The following CHRM5 variants were observed in gnomAD, a reference collection of about 807,000 sequenced individuals.
The protein encoded by CHRM5 is muscarinic acetylcholine receptor M5.
In CHRM5, 18 loss-of-function variants were observed where a neutral mutation model predicts 39.0. That is an observed-to-expected ratio of 0.46 (90% CI 0.32 to 0.68). The LOEUF (loss-of-function observed/expected upper bound fraction) is 0.68. Ranked by LOEUF, CHRM5 falls within the 30% of genes least tolerant of loss-of-function variation. CHRM5 has a pLI of 0.04. For synonymous variants in CHRM5, 241 were observed against 246.3 expected (o/e 0.98, Z 0.20); for missense variants, 515 against 651.1 (o/e 0.79, Z 2.28).
At chr15:34,018,943 T>G (rs1315753736) in intron 1 of CHRM5, among the ~76,000 whole-genome samples, 2 of 152,064 alleles carry the variant, frequency 1.3e-5, no homozygotes, top group African/African-American at 4.8e-5. Context: ...TTTTTTACAA[T>G]CCTTCAGCTA....
rs1263489574 is a variant in CHRM5, at chr15:33,983,152, GTGTGTGTA to G, written c.-408+14010_-408+14017del. Among the ~76,000 whole-genome samples the G allele has an allele frequency of 5.4e-5, 6 of 110,810 alleles. No individual in the cohort carries two copies. The Admixed American group carries it at 5.5e-4, about 10-fold the overall frequency. 72.7% of individuals were successfully genotyped at this position (110,810 alleles called of 152,430 possible). On this transcript the variant is annotated intron_variant, in intron 1 of 2. Coordinates refer to ENST00000383263, the MANE Select transcript of CHRM5 (RefSeq NM_012125.4). ...TCTGTGTGTGTGTGTGTGTGTGTGT[GTGTGTGTA>G]TGTGTGTGTGTATATATACACACGT...
At chr15:34,006,058 T>C (rs1331957147) in intron 1 of CHRM5, among the ~76,000 whole-genome samples, 1 of 152,176 alleles carries the variant, frequency 6.6e-6, no homozygotes, top group Non-Finnish European at 1.5e-5. Flanking sequence ...ACACCTGTAA[T>C]CCCAACACTT....
Position 34,062,769 on chromosome 15 carries a change from A to T in CHRM5, c.52A>T (p.Asn18Tyr), listed in dbSNP as rs770980808. 3 of 1,614,076 alleles carry T rather than the reference A, an allele frequency of 1.9e-6. No individual in the cohort carries two copies. The highest frequency in any genetic ancestry group is 2.5e-6 in the Non-Finnish European group (3 of 1,179,952). The change falls in exon 3 of 3, where the codon AAT becomes TAT. Residue 18 changes from asparagine to tyrosine, a missense_variant. Physicochemically the swap from Asn to Tyr is moderately radical, Grantham distance 143. Coordinates refer to ENST00000383263, the MANE Select transcript of CHRM5 (RefSeq NM_012125.4). The stretch of plus-strand genomic sequence containing the variant: ...AACCACCGTCAATGGCACCCCAGTA[A>T]ATCACCAGCCTTTGGAACGCCACAG... ...NATTVNGTPV[N>Y]HQPLERHRLW...
At chr15:33,995,854 G>A (rs1369953327) in intron 1 of CHRM5, among the ~76,000 whole-genome samples, 1 of 152,230 alleles carries the variant, frequency 6.6e-6, no homozygotes, top group African/African-American at 2.4e-5. Flanking sequence ...AGGCCACGGA[G>A]GGCGAGCTGA....
intron 1 of CHRM5, among the ~76,000 whole-genome samples, chr15:33,974,112 C>CA (rs1277518801): frequency 6.6e-6 from 1 of 152,136 alleles, no homozygotes; most frequent in African/African-American, 2.4e-5. Flanking sequence ...CTCTATTTGA[C>CA]ATATGGAAAT....
At chr15:34,016,435 G>C (rs1897915755) in intron 1 of CHRM5, among the ~76,000 whole-genome samples, 1 of 152,140 alleles carries the variant, frequency 6.6e-6, no homozygotes, top group African/African-American at 2.4e-5. Flanking sequence ...TCAATTATCT[G>C]CTTCCTGGTA....
chr15:33,971,714 A>AT (rs1295990496), intron 1 of CHRM5, among the ~76,000 whole-genome samples: 5 of 152,026 alleles, frequency 3.3e-5, no homozygotes, highest in Admixed American at 3.3e-4. Context: ...TTCATAAGGA[A>AT]TTTTTTTCAT....
intron 1 of CHRM5, among the ~76,000 whole-genome samples, chr15:34,005,039 A>G (rs1001133124): frequency 6.6e-6 from 1 of 152,122 alleles, no homozygotes; most frequent in Non-Finnish European, 1.5e-5. Context: ...TAGGAGGAAA[A>G]GACAAGCAAA....
rs1899852803 is a variant in CHRM5 at position 34,049,536 on chromosome 15, G to A, written c.-76+2665G>A. On this transcript the variant is annotated intron_variant, in intron 2 of 2. Transcript: ENST00000383263. ...AGAATGAAAAGGATCATGGGATTAT[G>A]TAAAGCAAAACCCATGACTGATTGG... 2.6e-5 allele frequency among the ~76,000 whole-genome samples: 4 copies of A among 152,256 alleles called. No individual in the cohort carries two copies. In the South Asian group the frequency reaches 8.3e-4, roughly 32 times the overall value.
rs538332452 is a variant in CHRM5 at position 33,981,063 on chromosome 15, C to A, written c.-408+11913C>A. ...CACACTGAGTTTTTATATAAACATA[C>A]AATCACAACTTGATTCCAAGACTCC... On this transcript the variant is annotated intron_variant, in intron 1 of 2. Transcript: ENST00000383263. 3.9e-4 allele frequency among the ~76,000 whole-genome samples: 54 copies of A among 139,008 alleles called. No individual in the cohort carries two copies. In the South Asian group the frequency reaches 0.014, roughly 36 times the overall value. The allele number at this position is 139,008 out of a possible 152,430, so 91.2% of individuals were successfully genotyped here. A position where few individuals can be genotyped will look rare whatever the true frequency, so the allele number is the denominator to read the frequency against.
chr15:33,989,393 T>A (rs905495963), intron 1 of CHRM5, among the ~76,000 whole-genome samples: 2 of 151,592 alleles, frequency 1.3e-5, no homozygotes, highest in Admixed American at 6.6e-5. Flanking sequence ...TCGTCACAAC[T>A]ACCCCTAGAT....
At chr15:34,028,572 A>G (rs918089750) in intron 1 of CHRM5, among the ~76,000 whole-genome samples, 3 of 152,148 alleles carry the variant, frequency 2.0e-5, no homozygotes, top group African/African-American at 7.2e-5. Flanking sequence ...TCTTAAAACA[A>G]ACAACAACAA....
chr15:34,014,000 T>C (rs1897753828), intron 1 of CHRM5, among the ~76,000 whole-genome samples: 1 of 152,000 alleles, frequency 6.6e-6, no homozygotes, highest in Non-Finnish European at 1.5e-5. Flanking sequence ...AGAACGTGCT[T>C]CTAACCAAGA....
chr15:34,004,211 G>A (rs1022904760), intron 1 of CHRM5, among the ~76,000 whole-genome samples: 1 of 152,204 alleles, frequency 6.6e-6, no homozygotes, highest in Admixed American at 6.5e-5. Context: ...TATTACAACT[G>A]ACTATGTTGT....
chr15:33,982,879 G>A (rs1896216052), intron 1 of CHRM5, among the ~76,000 whole-genome samples: 1 of 151,946 alleles, frequency 6.6e-6, no homozygotes, highest in African/African-American at 2.4e-5. Flanking sequence ...CCCAACTTCT[G>A]AGGGAGATCA....
In CHRM5 at chr15:34,066,698, C is replaced by T. The variant is rs117082220; in HGVS notation, c.*2382C>T. 7.6e-3 allele frequency: 1,154 copies of T among 152,016 alleles called. 7 individuals are homozygous for T. The highest frequency in any genetic ancestry group is 0.014 in the Non-Finnish European group (921 of 67,990). The allele number at this position is 152,016 out of a possible 1,614,324, so 9.4% of individuals were successfully genotyped here. On this transcript the variant is annotated 3_prime_UTR_variant, in exon 3 of 3. Transcript: ENST00000383263. ...GGCATCGTAGTGTGTGCCTGTAGAC[C>T]CAGCTACTTCAGAGGTTGAAGCAGG...
intron 1 of CHRM5, among the ~76,000 whole-genome samples, chr15:33,983,146 G>GTGTA (rs1555512728): frequency 2.6e-5 from 3 of 115,256 alleles, no homozygotes; most frequent in African/African-American, 1.4e-4. Context: ...GTGTGTGTGT[G>GTGTA]TGTGTGTGTG....
intron 1 of CHRM5, among the ~76,000 whole-genome samples, chr15:34,045,110 T>A (rs1899637748): frequency 1.3e-5 from 2 of 152,176 alleles, no homozygotes; most frequent in Non-Finnish European, 2.9e-5. Context: ...GACCTCTCTG[T>A]CACCTGAATT....
intron 1 of CHRM5, among the ~76,000 whole-genome samples, chr15:33,973,718 A>G (rs941667615): frequency 2.6e-5 from 4 of 152,222 alleles, no homozygotes; most frequent in Non-Finnish European, 4.4e-5. Context: ...AAATCTATTT[A>G]TATAGTTGTC....
Sources: gnomAD v4.1 joint callset for allele counts (sites outside exome capture counted in the v4.1 genomes callset) on GRCh38, gnomAD v4.1.1 for gene constraint, MANE v1.5 for transcripts, NCBI Gene and HGNC (gene_info 2026-07-23, HGNC 2026-07-21) for gene names.